The following PCDH7 variants were observed in gnomAD, a reference collection of about 807,000 sequenced individuals.
PCDH7 encodes the protein protocadherin-7.
A neutral mutation model predicts 58.9 loss-of-function variants in PCDH7; 17 were observed. That is an observed-to-expected ratio of 0.29 (90% CI 0.20 to 0.43). The LOEUF is 0.43. Among genes scored for constraint, PCDH7 ranks in the 20% least tolerant of loss-of-function variants. PCDH7 has a pLI of 1.00. For missense variants in PCDH7, 1,274 were observed against 1,441.0 expected, an observed-to-expected ratio of 0.88 and a Z score of 1.88; for synonymous variants, 664 against 616.4, an observed-to-expected ratio of 1.08 and a Z score of -1.14.
downstream of PCDH7, chr4:31,146,023 G>A (rs1467358381): frequency 1.3e-5 from 2 of 151,978 alleles, no homozygotes; most frequent in Non-Finnish European, 1.5e-5. Flanking sequence ...GTATTAAAAC[G>A]TCTGTAGCTT....
chr4:31,014,033 T>C (rs1753417402), intron 3 of PCDH7, among the ~76,000 whole-genome samples: 2 of 152,068 alleles, frequency 1.3e-5, no homozygotes, highest in South Asian at 4.1e-4. Flanking sequence ...TGGAATAAAA[T>C]AGACAAATAA....
At chr4:30,891,269 G>A (rs920613200) in intron 1 of PCDH7, among the ~76,000 whole-genome samples, 1 of 152,052 alleles carries the variant, frequency 6.6e-6, no homozygotes, top group Non-Finnish European at 1.5e-5. Flanking sequence ...TTTTGGAATT[G>A]CATTGACTTG....
chr4:31,078,066 C>T (rs943249497), intron 3 of PCDH7, among the ~76,000 whole-genome samples: 1 of 152,046 alleles, frequency 6.6e-6, no homozygotes, highest in African/African-American at 2.4e-5. Flanking sequence ...TAACAAGGGT[C>T]AATTGGTGTG....
intron 2 of PCDH7, among the ~76,000 whole-genome samples, chr4:30,935,613 A>C (rs1383317243): frequency 6.6e-6 from 1 of 152,148 alleles, no homozygotes; most frequent in Non-Finnish European, 1.5e-5. Context: ...AGAGATATTA[A>C]TCAAGTAATT....
chr4:30,962,432 C>T (rs1008632178), intron 3 of PCDH7, among the ~76,000 whole-genome samples: 3 of 152,040 alleles, frequency 2.0e-5, no homozygotes, highest in African/African-American at 7.2e-5. Context: ...ACTGTGTATG[C>T]ATGCAATAAA....
At chr4:31,099,665 A>C (rs1481644586) in intron 3 of PCDH7, among the ~76,000 whole-genome samples, 1 of 152,296 alleles carries the variant, frequency 6.6e-6, no homozygotes, top group Admixed American at 6.5e-5. Context: ...TCCCTATTTC[A>C]CATACGGTGA....
chr4:30,724,676 G>A (rs748288738), intron 1 of PCDH7, 80 bp downstream of exon 1: 95 of 1,495,558 alleles, frequency 6.4e-5, no homozygotes, highest in East Asian at 2.4e-5. Flanking sequence ...GTAAAGTTTT[G>A]TCTTCTCGTT....
intron 3 of PCDH7, among the ~76,000 whole-genome samples, chr4:31,120,830 A>G (rs1038647382): frequency 1.3e-5 from 2 of 152,076 alleles, no homozygotes; most frequent in Admixed American, 6.6e-5. Context: ...ATCATTTGGT[A>G]TCTGTTTCTT....
At chr4:30,891,202 T>C (rs1738561599) in intron 1 of PCDH7, among the ~76,000 whole-genome samples, 1 of 152,112 alleles carries the variant, frequency 6.6e-6, no homozygotes, top group South Asian at 2.1e-4. Context: ...TCTAATTTAA[T>C]GGTATAGTGA....
chr4:31,056,509 GAAAGAAAGGGGAA>G (rs1757242490), intron 3 of PCDH7, among the ~76,000 whole-genome samples: 1 of 106,840 alleles, frequency 9.4e-6, no homozygotes, highest in African/African-American at 3.7e-5. Context: ...AAGAAAGAAA[GAAAGAAAGGGGAA>G]GGGAAGGGAA....
chr4:30,954,940 C>T (rs1162239044), intron 3 of PCDH7, among the ~76,000 whole-genome samples: 1 of 152,010 alleles, frequency 6.6e-6, no homozygotes, highest in Non-Finnish European at 1.5e-5. Flanking sequence ...ACTTATTTTT[C>T]TTTCTGAAGC....
chr4:30,980,129 G>C (rs1156904714), intron 3 of PCDH7, among the ~76,000 whole-genome samples: 1 of 152,184 alleles, frequency 6.6e-6, no homozygotes, highest in African/African-American at 2.4e-5. Flanking sequence ...ACAAGATTAA[G>C]ATGCTTCTTG....
At chr4:30,849,052 A>G (rs1156435548) in intron 1 of PCDH7, among the ~76,000 whole-genome samples, 1 of 152,168 alleles carries the variant, frequency 6.6e-6, no homozygotes, top group Non-Finnish European at 1.5e-5. Context: ...GGCCTTTAAC[A>G]TTCCATTCTA....
chr4:30,865,290 T>C (rs549953403), intron 1 of PCDH7, among the ~76,000 whole-genome samples: 25 of 152,244 alleles, frequency 1.6e-4, no homozygotes, highest in African/African-American at 5.3e-4. Context: ...ACATTTGTCA[T>C]GCTTAAGAGG....
intron 1 of PCDH7, among the ~76,000 whole-genome samples, chr4:30,809,241 T>A (rs959794068): frequency 6.6e-6 from 1 of 152,162 alleles, no homozygotes; most frequent in Non-Finnish European, 1.5e-5. Context: ...TCATAATCAA[T>A]CATCTGGATA....
intron 1 of PCDH7, among the ~76,000 whole-genome samples, chr4:30,752,454 T>G (rs1718657759): frequency 6.6e-6 from 1 of 152,218 alleles, no homozygotes; most frequent in African/African-American, 2.4e-5. Context: ...TAGTGACAGC[T>G]ACCTGGTGTC....
intron 1 of PCDH7, among the ~76,000 whole-genome samples, chr4:30,740,034 C>A (rs1030185412): frequency 3.3e-5 from 5 of 152,258 alleles, no homozygotes; most frequent in African/African-American, 1.2e-4. Flanking sequence ...TAAAGCAACA[C>A]CTATAATTAT....
intron 1 of PCDH7, among the ~76,000 whole-genome samples, chr4:30,828,257 T>A (rs1577961910): frequency 6.7e-6 from 1 of 149,496 alleles, no homozygotes; most frequent in East Asian, 2.0e-4. Context: ...GAAAAAAAAA[T>A]ATGTTGAAAG....
chr4:30,971,393 T>C (rs777273344), intron 3 of PCDH7, among the ~76,000 whole-genome samples: 1 of 152,228 alleles, frequency 6.6e-6, no homozygotes, highest in African/African-American at 2.4e-5. Context: ...TGTGTGTTTA[T>C]GTAAATTAAG....
Sources: gnomAD v4.1 joint callset for allele counts (sites outside exome capture counted in the v4.1 genomes callset) on GRCh38, gnomAD v4.1.1 for gene constraint, MANE v1.5 for transcripts, NCBI Gene and HGNC (gene_info 2026-07-23, HGNC 2026-07-21) for gene names.